Variants in ABI3 observed in about 807,000 individuals in gnomAD.
ABI3 encodes the protein ABI family member 3, also known as ABI gene family member 3.
Under a neutral mutation model 37.0 loss-of-function variants are expected in ABI3, and 24 were observed. That is an observed-to-expected ratio of 0.65 (90% CI 0.47 to 0.91). The LOEUF is 0.91. Among genes scored for constraint, ABI3 ranks in the 40% least tolerant of loss-of-function variants. The pLI is 0.00. For synonymous variants in ABI3, 220 were observed against 211.8 expected (o/e 1.04, Z -0.34); for missense variants, 481 against 485.1 (o/e 0.99, Z 0.08).
Position 49,217,929 on chromosome 17 carries a change from C to T in ABI3, c.462+14C>T, listed in dbSNP as rs746110757. On this transcript the variant is annotated intron_variant, in intron 3 of 7. Transcript: ENST00000225941. The stretch of plus-strand genomic sequence containing the variant: ...CATGGGATCAAGGTAGAGAGAGGGG[C>T]CCTCCTCTTTCCCTCCAACCCACCC... 4.0e-6 allele frequency: 6 copies of T among 1,502,740 alleles called. No homozygotes were observed. The South Asian group carries it at 7.8e-5, about 20-fold the overall frequency. 93.1% of individuals were successfully genotyped at this position (1,502,740 alleles called of 1,614,324 possible). A position where few individuals can be genotyped will look rare whatever the true frequency, so the allele number is the denominator to read the frequency against.
rs868437723 is a variant in ABI3, at chr17:49,219,922, G to C, written c.613G>C (p.Ala205Pro). The change falls in exon 5 of 8, where the codon GCC becomes CCC. Residue 205 changes from alanine (A) to proline (P), a missense_variant. Coordinates refer to ENST00000225941, the MANE Select transcript of ABI3 (RefSeq NM_016428.3). This position sits in a 1 kb window ranked among gnomAD's most constrained non-coding sequence, Gnocchi z 4.3. ...GGTGCCCGACGGCAGACTCTCCGCC[G>C]CCTCCTCTGCGTTTTCCCTGGCCTC... is the stretch of plus-strand genomic sequence containing the variant. The part of the protein sequence containing the change: ...PVVPDGRLSA[A>P]SSAFSLASAG... 2 of 1,555,888 alleles carry C rather than the reference G, an allele frequency of 1.3e-6. No individual in the cohort carries two copies. The highest frequency in any genetic ancestry group is 2.3e-5 in the South Asian group (2 of 85,496).
intron 6 of ABI3, among the ~76,000 whole-genome samples, chr17:49,220,792 C>G (rs62076380): frequency 0.022 from 3,333 of 150,274 alleles, 147 homozygotes; most frequent in African/African-American, 0.078. Flanking sequence ...TGCAGTGAGC[C>G]GAGATCGCGC....
chr17:49,216,842 C>T, intron 2 of ABI3, 144 bp downstream of exon 2: 1 of 1,050,434 alleles, frequency 9.5e-7, no homozygotes, highest in African/African-American at 1.7e-5. Context: ...TGGCACTTCC[C>T]AAGCTTTTTG....
Position 49,222,157 on chromosome 17 carries a change from T to A in ABI3, c.869T>A (p.Leu290Gln), listed in dbSNP as rs1476886855. Residue 290 changes from leucine to glutamine, a missense_variant, in exon 7 of 8, where the codon CTG becomes CAG. Leu to Gln is a moderately radical substitution (Grantham distance 113). Transcript: ENST00000225941. ...PPPLDGDELG[L>Q]PPPPPGFGPD... ...CCCCTGGATGGAGATGAATTGGGGC[T>A]GCCTCCACCCCCACCAGGATTTGGG... is the stretch of plus-strand genomic sequence containing the variant. The A allele has an allele frequency of 1.2e-6, 2 of 1,613,830 alleles. No individual in the cohort carries two copies. The highest frequency in any genetic ancestry group is 1.1e-5 in the South Asian group (1 of 91,030).
chr17:49,217,632 C>T (rs2043233718), intron 2 of ABI3, 107 bp from the exon 3 acceptor site: 5 of 1,057,316 alleles, frequency 4.7e-6, no homozygotes, highest in South Asian at 1.6e-5. Context: ...TTTTTCTAGA[C>T]CTGGCTGCCT....
Position 49,216,707 on chromosome 17 carries a change from C to G in ABI3, c.285+9C>G, listed in dbSNP as rs2233370. On this transcript the variant is annotated intron_variant, in intron 2 of 7. Transcript: ENST00000225941. The stretch of plus-strand genomic sequence containing the variant: ...TAAGCACGCTGGGCCAGGTAAGGGG[C>G]GTGGGGCGTGGGAAGGCATCTTGTG... 1 of 1,494,882 alleles carries G rather than the reference C, an allele frequency of 6.7e-7. No homozygotes were observed. 92.6% of individuals were successfully genotyped at this position (1,494,882 alleles called of 1,614,324 possible).
chr17:49,211,929 A>G (rs1383578187), intron 1 of ABI3, among the ~76,000 whole-genome samples: 1 of 148,438 alleles, frequency 6.7e-6, no homozygotes, highest in Non-Finnish European at 1.5e-5. Context: ...TACAGGAGTG[A>G]GCCACTGTGC....
At position 49,222,630 on chromosome 17, in the gene ABI3, G is replaced by A. The variant is rs201030368; in HGVS notation, c.1016G>A (p.Arg339His). 4.8e-5 allele frequency: 78 copies of A among 1,613,878 alleles called. No individual in the cohort carries two copies. The East Asian group carries it at 6.5e-4, about 13-fold the overall frequency. Residue 339 changes from arginine (R) to histidine (H), a missense_variant, in exon 8 of 8, where the codon CGC becomes CAC. Arg to His is a conservative substitution (Grantham distance 29). Coordinates refer to ENST00000225941, the MANE Select transcript of ABI3 (RefSeq NM_016428.3). ...FSEGTVICVT[R>H]RYSDGWCEGV... is the part of the protein sequence containing the mutation. Reference sequence around the variant, plus strand: ...GAGGGCACTGTCATCTGTGTCACTCGCCGCTACTCCGATGGCTGGTGCGAG... The same window carrying A: ...GAGGGCACTGTCATCTGTGTCACTCACCGCTACTCCGATGGCTGGTGCGAG...
In ABI3 at chr17:49,219,714, C is replaced by A. The variant is rs540011261; in HGVS notation, c.548+89C>A. 1,450 of 1,429,674 alleles carry A rather than the reference C, an allele frequency of 1.0e-3. 3 individuals carry two copies. The highest frequency in any genetic ancestry group is 3.7e-3 in the South Asian group (296 of 80,042). The allele number at this position is 1,429,674 out of a possible 1,614,324, so 88.6% of individuals were successfully genotyped here. A position where few individuals can be genotyped will look rare whatever the true frequency, so the allele number is the denominator to read the frequency against. On this transcript the variant is annotated intron_variant, in intron 4 of 7. Transcript: ENST00000225941. This position sits in a 1 kb window ranked among gnomAD's most constrained non-coding sequence, Gnocchi z 4.3. ...CCCCAGCCTCGCCACCCACCCCTGGCGCCCCCGGGTGCTCAGGCCGTCATG... is the reference window on the plus strand; with the variant it reads ...CCCCAGCCTCGCCACCCACCCCTGGAGCCCCCGGGTGCTCAGGCCGTCATG...
chr17:49,213,560 C>T (rs2043190785), intron 1 of ABI3, among the ~76,000 whole-genome samples: 1 of 152,168 alleles, frequency 6.6e-6, no homozygotes, highest in African/African-American at 2.4e-5. Flanking sequence ...CTGCAGAGTT[C>T]TCAGCCAGGG....
Position 49,219,658 on chromosome 17 carries a change from C to A in ABI3, c.548+33C>A. Reference sequence around the variant, plus strand: ...CTCGCCGCGACGCCAACTAGCCTAGCCCTGCCCCGCGCGACCCTGAAACTC... The same window carrying A: ...CTCGCCGCGACGCCAACTAGCCTAGACCTGCCCCGCGCGACCCTGAAACTC... On this transcript the variant is annotated intron_variant, in intron 4 of 7. Transcript: ENST00000225941. This position sits in a 1 kb window ranked among gnomAD's most constrained non-coding sequence, Gnocchi z 4.3. 1.3e-6 allele frequency: 2 copies of A among 1,555,740 alleles called. No homozygotes were observed. Among genetic ancestry groups the A allele is most frequent in the Non-Finnish European group, 1.7e-6 (2 of 1,144,216 alleles).
At chr17:49,217,214 G>A (rs2043228525) in intron 2 of ABI3, among the ~76,000 whole-genome samples, 2 of 152,088 alleles carry the variant, frequency 1.3e-5, no homozygotes, top group African/African-American at 4.8e-5. Flanking sequence ...CACACATTTG[G>A]CCTGGCCTGT....
In ABI3 at chr17:49,222,441, G is replaced by T. The variant is rs961593322; in HGVS notation, c.938-111G>T. ...TGAAGGCTTGCAAGAAGGCCCCCAA[G>T]ATGGCCCCTAGAGTCTAGTACTTGA... On this transcript the variant is annotated intron_variant, in intron 7 of 7. Coordinates refer to ENST00000225941, the MANE Select transcript of ABI3 (RefSeq NM_016428.3). 6.3e-6 allele frequency: 9 copies of T among 1,435,808 alleles called. No individual in the cohort carries two copies. The East Asian group carries it at 2.1e-4, about 33-fold the overall frequency. 88.9% of individuals were successfully genotyped at this position (1,435,808 alleles called of 1,614,324 possible). A position where few individuals can be genotyped will look rare whatever the true frequency, so the allele number is the denominator to read the frequency against.
intron 1 of ABI3, among the ~76,000 whole-genome samples, chr17:49,216,278 T>C (rs938423674): frequency 2.6e-5 from 4 of 152,076 alleles, no homozygotes; most frequent in Admixed American, 2.6e-4. Flanking sequence ...TATTTGAGAA[T>C]GGGTATCTTT....
In ABI3 at chr17:49,222,233, A is replaced by G; in HGVS notation, c.937+8A>G. 6.2e-7 allele frequency: 1 copy of G among 1,611,408 alleles called. No individual in the cohort carries two copies. Among genetic ancestry groups the G allele is most frequent in the Non-Finnish European group, 8.5e-7 (1 of 1,178,660 alleles). On this transcript the variant is annotated splice_region_variant and intron_variant, in intron 7 of 7. Transcript: ENST00000225941. ...CCTCATACTTGGAGAAAGGTACCTGACTTCTGGGACTGAGGGGCACCGGAT... is the reference window on the plus strand; with the variant it reads ...CCTCATACTTGGAGAAAGGTACCTGGCTTCTGGGACTGAGGGGCACCGGAT...
Position 49,222,823 on chromosome 17 carries a change from G to A in ABI3, c.*108G>A. 1 of 1,262,066 alleles carries A rather than the reference G, an allele frequency of 7.9e-7. No homozygotes were observed. Among genetic ancestry groups the A allele is most frequent in the Non-Finnish European group, 1.1e-6 (1 of 922,810 alleles). The allele number at this position is 1,262,066 out of a possible 1,614,324, so 78.2% of individuals were successfully genotyped here. A position where few individuals can be genotyped will look rare whatever the true frequency, so the allele number is the denominator to read the frequency against. On this transcript the variant is annotated 3_prime_UTR_variant, in exon 8 of 8. Transcript: ENST00000225941. The stretch of plus-strand genomic sequence containing the variant: ...TGGACTGGGTCTGCCCACCTCTTGG[G>A]CTGTGAGCTGTGTTCTGTCCTTCCT...
At position 49,210,882 on chromosome 17, in the gene ABI3, A is replaced by G; in HGVS notation, c.117+41A>G. ...GGAAGCCTGACACCCCAGCCCCCGGAGGGGGGACCCTGAGCCCTGCCCCAA... is the reference window on the plus strand; with the variant it reads ...GGAAGCCTGACACCCCAGCCCCCGGGGGGGGGACCCTGAGCCCTGCCCCAA... On this transcript the variant is annotated intron_variant, in intron 1 of 7. Coordinates refer to ENST00000225941, the MANE Select transcript of ABI3 (RefSeq NM_016428.3). The surrounding 1 kb of genome is among the most constrained non-coding windows in gnomAD (Gnocchi z 4.2). 1 of 1,499,510 alleles carries G rather than the reference A, an allele frequency of 6.7e-7. No homozygotes were observed. The highest frequency in any genetic ancestry group is 9.1e-7 in the Non-Finnish European group (1 of 1,103,550). The allele number at this position is 1,499,510 out of a possible 1,614,324, so 92.9% of individuals were successfully genotyped here. A position where few individuals can be genotyped will look rare whatever the true frequency, so the allele number is the denominator to read the frequency against.
At chr17:49,214,017 G>A (rs2043196474) in intron 1 of ABI3, among the ~76,000 whole-genome samples, 2 of 152,236 alleles carry the variant, frequency 1.3e-5, no homozygotes, top group South Asian at 4.1e-4. Flanking sequence ...AGATGTAAAT[G>A]ACATGCAAAT....
chr17:49,219,053 C>A lies in ABI3; in HGVS notation c.463-487C>A, dbSNP rs767410033. The stretch of plus-strand genomic sequence containing the variant: ...TCCCTCTTTCATGTAGGCGTGCACC[C>A]TGTCATTTGCGCATCCCCTCTAAGT... On this transcript the variant is annotated intron_variant, in intron 3 of 7. Coordinates refer to ENST00000225941, the MANE Select transcript of ABI3 (RefSeq NM_016428.3). The surrounding 1 kb of genome is among the most constrained non-coding windows in gnomAD (Gnocchi z 4.3). 2.4e-4 allele frequency among the ~76,000 whole-genome samples: 36 copies of A among 152,180 alleles called. No homozygotes were observed. The highest frequency in any genetic ancestry group is 3.5e-4 in the Non-Finnish European group (24 of 68,034).
Sources: gnomAD v4.1 joint callset for allele counts (sites outside exome capture counted in the v4.1 genomes callset) on GRCh38, gnomAD v4.1.1 for gene constraint, Gnocchi (gnomAD v3.1) non-coding constraint, MANE v1.5 for transcripts, NCBI Gene and HGNC (gene_info 2026-07-23, HGNC 2026-07-21) for gene names.